Variants in PTPRM observed in about 807,000 individuals in gnomAD.
PTPRM encodes receptor-type tyrosine-protein phosphatase mu.
A neutral mutation model predicts 186.7 loss-of-function variants in PTPRM; 47 were observed. The observed-to-expected ratio is 0.25, with a 90% CI of 0.20 to 0.32. The LOEUF (loss-of-function observed/expected upper bound fraction) is 0.32, where lower values mean the gene tolerates loss of function less well. Among genes scored for constraint, PTPRM ranks in the 10% least tolerant of loss-of-function variants. The pLI is 1.00. For missense variants in PTPRM, 1,494 were observed against 1,865.0 expected, an observed-to-expected ratio of 0.80 and a Z score of 3.66; for synonymous variants, 668 against 674.9, an observed-to-expected ratio of 0.99 and a Z score of 0.16.
At chr18:7,850,277 A>G (rs936919006) in intron 2 of PTPRM, among the ~76,000 whole-genome samples, 1 of 152,234 alleles carries the variant, frequency 6.6e-6, no homozygotes, top group Non-Finnish European at 1.5e-5. Flanking sequence ...CTTTTAAATA[A>G]CAGTCTAGTA....
intron 1 of PTPRM, among the ~76,000 whole-genome samples, chr18:7,632,215 A>G (rs926284283): frequency 2.0e-5 from 3 of 152,182 alleles, no homozygotes; most frequent in Non-Finnish European, 4.4e-5. Context: ...CTATGATGAG[A>G]ACCAGACCAT....
intron 19 of PTPRM, among the ~76,000 whole-genome samples, chr18:8,263,268 C>A (rs1330614802): frequency 6.6e-6 from 1 of 151,972 alleles, no homozygotes; most frequent in East Asian, 1.9e-4. Flanking sequence ...ACCACCACAC[C>A]CGGCTAATTT....
At chr18:7,957,912 A>T (rs958533771) in intron 7 of PTPRM, among the ~76,000 whole-genome samples, 2 of 152,206 alleles carry the variant, frequency 1.3e-5, no homozygotes, top group African/African-American at 2.4e-5. Context: ...CAAATCATGG[A>T]TTTCATAAAC....
chr18:7,743,617 G>A (rs913683788), intron 1 of PTPRM, among the ~76,000 whole-genome samples: 11 of 152,190 alleles, frequency 7.2e-5, no homozygotes, highest in Non-Finnish European at 5.9e-5. Context: ...TTAAGAAGTA[G>A]ACATAGGGCT....
At chr18:7,991,092 G>A (rs1365860079) in intron 7 of PTPRM, among the ~76,000 whole-genome samples, 2 of 152,124 alleles carry the variant, frequency 1.3e-5, no homozygotes, top group East Asian at 1.9e-4. Flanking sequence ...CCATGAATGA[G>A]GTTCTTAATT....
At chr18:7,718,984 A>G (rs1260827795) in intron 1 of PTPRM, among the ~76,000 whole-genome samples, 1 of 152,234 alleles carries the variant, frequency 6.6e-6, no homozygotes, top group Non-Finnish European at 1.5e-5. Context: ...GGAAAATAGT[A>G]TGGAGATTCT....
At chr18:7,627,201 A>G (rs9949194) in intron 1 of PTPRM, among the ~76,000 whole-genome samples, 60,981 of 151,858 alleles carry the variant, frequency 0.4, 18,900 homozygotes, top group African/African-American at 0.83. Context: ...ACAACCAGCC[A>G]CCCTGTCATT....
At chr18:7,611,638 A>G (rs913082302) in intron 1 of PTPRM, among the ~76,000 whole-genome samples, 1 of 152,064 alleles carries the variant, frequency 6.6e-6, no homozygotes, top group African/African-American at 2.4e-5. Context: ...GAATTCCCAC[A>G]TGTTGTGGGA....
chr18:7,831,576 AAGGGGTATATAT>A lies in PTPRM; in HGVS notation c.197-56529_197-56518del, dbSNP rs1158884993. 5.3e-4 allele frequency among the ~76,000 whole-genome samples: 80 copies of A among 152,334 alleles called. 1 individual carries two copies. In the Middle Eastern group the frequency reaches 0.014, roughly 26 times the overall value. ...AAGTGCATAACAACCACATCATGAAAAGGGGTATATATCCCCTCAAGCATTTGTCCTTTGTAT... is the reference window on the plus strand; with the variant it reads ...AAGTGCATAACAACCACATCATGAAACCCCTCAAGCATTTGTCCTTTGTAT... On this transcript the variant is annotated intron_variant, in intron 2 of 32. Transcript: ENST00000580170.
chr18:8,110,765 G>A (rs768138187), intron 11 of PTPRM, among the ~76,000 whole-genome samples: 12 of 152,182 alleles, frequency 7.9e-5, no homozygotes, highest in Non-Finnish European at 1.5e-4. Flanking sequence ...ATTGAGGAAT[G>A]ATTCAGATAC....
intron 1 of PTPRM, among the ~76,000 whole-genome samples, chr18:7,635,331 A>G (rs923518929): frequency 6.6e-6 from 1 of 152,154 alleles, no homozygotes; most frequent in Non-Finnish European, 1.5e-5. Flanking sequence ...CCCAAGTCTC[A>G]TTTCCTTTCT....
chr18:7,849,823 G>C (rs911133348), intron 2 of PTPRM, among the ~76,000 whole-genome samples: 2 of 152,136 alleles, frequency 1.3e-5, no homozygotes, highest in Non-Finnish European at 2.9e-5. Context: ...AGCAACTCCA[G>C]AAAAACCACC....
chr18:8,172,349 T>A (rs1367961894), intron 14 of PTPRM, among the ~76,000 whole-genome samples: 6 of 151,580 alleles, frequency 4.0e-5, no homozygotes, highest in African/African-American at 1.2e-4. Flanking sequence ...TGTTTTATGG[T>A]CTTGCTGCAA....
intron 2 of PTPRM, among the ~76,000 whole-genome samples, chr18:7,859,457 C>T (rs1001372994): frequency 1.3e-5 from 2 of 152,228 alleles, no homozygotes; most frequent in African/African-American, 2.4e-5. Context: ...TCCCGTCTCC[C>T]AACTCTGATG....
At chr18:7,937,085 C>G (rs1844278061) in intron 5 of PTPRM, among the ~76,000 whole-genome samples, 1 of 152,228 alleles carries the variant, frequency 6.6e-6, no homozygotes, top group Non-Finnish European at 1.5e-5. Context: ...ACCTTACTCA[C>G]CCTCCACTTG....
chr18:8,349,242 A>G (rs748558013), intron 23 of PTPRM, among the ~76,000 whole-genome samples: 3 of 152,344 alleles, frequency 2.0e-5, no homozygotes, highest in Middle Eastern at 3.4e-3. Flanking sequence ...CTTTTATAAA[A>G]AGTGTGGAAA....
intron 3 of PTPRM, 119 bp from the exon 4 acceptor site, chr18:7,906,386 G>A (rs889031865): frequency 2.4e-5 from 18 of 745,926 alleles, no homozygotes; most frequent in African/African-American, 8.7e-5. Flanking sequence ...CAGATGTTAC[G>A]TACATGAATG....
chr18:8,167,696 A>G (rs1316540760), intron 14 of PTPRM, among the ~76,000 whole-genome samples: 1 of 151,500 alleles, frequency 6.6e-6, no homozygotes, highest in Non-Finnish European at 1.5e-5. Context: ...GATGCCATGC[A>G]GCAGGAGGAA....
At chr18:8,294,393 T>C (rs1157075494) in intron 19 of PTPRM, among the ~76,000 whole-genome samples, 1 of 152,142 alleles carries the variant, frequency 6.6e-6, no homozygotes, top group Admixed American at 6.5e-5. Flanking sequence ...ACGTCCTTCT[T>C]CACCTCGTGA....
Sources: allele counts gnomAD v4.1 joint callset (sites outside exome capture counted in the v4.1 genomes callset), GRCh38; gene constraint gnomAD v4.1.1; transcripts MANE v1.5; gene names NCBI Gene and HGNC (gene_info 2026-07-23, HGNC 2026-07-21).